COL19A1: variants seen among roughly 807,000 people sequenced by gnomAD.
COL19A1 encodes collagen alpha-1(XIX) chain.
Under a neutral mutation model 190.2 loss-of-function variants are expected in COL19A1, and 159 were observed. The observed-to-expected ratio is 0.84, with a 90% CI of 0.73 to 0.95. The LOEUF (loss-of-function observed/expected upper bound fraction) is 0.95. Ranked by LOEUF, COL19A1 falls within the 40% of genes least tolerant of loss-of-function variation. The pLI is 0.00. For synonymous variants in COL19A1, 509 were observed against 458.9 expected, an observed-to-expected ratio of 1.11 and a Z score of -1.39; for missense variants, 1,418 against 1,431.9, an observed-to-expected ratio of 0.99 and a Z score of 0.16.
intron 11 of COL19A1, among the ~76,000 whole-genome samples, chr6:70,010,072 T>A (rs2150093838): frequency 6.6e-6 from 1 of 152,274 alleles, no homozygotes; most frequent in African/African-American, 2.4e-5. Context: ...AGTCAATCAA[T>A]GAAAGAAATA....
At chr6:70,122,392 A>G (rs538757236) in intron 17 of COL19A1, among the ~76,000 whole-genome samples, 1 of 128,314 alleles carries the variant, frequency 7.8e-6, no homozygotes, top group East Asian at 2.1e-4. Context: ...TTCATGGGGA[A>G]TTACATTCAA....
chr6:70,193,474 C>T (rs1452919649), intron 48 of COL19A1, among the ~76,000 whole-genome samples: 1 of 152,132 alleles, frequency 6.6e-6, no homozygotes, highest in Non-Finnish European at 1.5e-5. Flanking sequence ...GGTGCAGAGT[C>T]CTCCCCAGGT....
At chr6:69,966,140 G>A (rs1029478816) in intron 11 of COL19A1, among the ~76,000 whole-genome samples, 48 of 152,154 alleles carry the variant, frequency 3.2e-4, no homozygotes, top group Non-Finnish European at 6.0e-4. Context: ...ATTAGAAGCC[G>A]TCCGGGAGGT....
intron 14 of COL19A1, among the ~76,000 whole-genome samples, chr6:70,042,408 T>A (rs1779678394): frequency 6.6e-6 from 1 of 152,190 alleles, no homozygotes; most frequent in African/African-American, 2.4e-5. Flanking sequence ...AAATGTGCAA[T>A]TTATATTATG....
intron 2 of COL19A1, among the ~76,000 whole-genome samples, chr6:69,881,396 G>A (rs1768543857): frequency 6.6e-6 from 1 of 151,922 alleles, no homozygotes; most frequent in African/African-American, 2.4e-5. Context: ...CACTTAACAT[G>A]AAGTCTGCCC....
intron 15 of COL19A1, among the ~76,000 whole-genome samples, chr6:70,101,687 C>T (rs1336963295): frequency 6.6e-6 from 1 of 152,062 alleles, no homozygotes; most frequent in East Asian, 1.9e-4. Flanking sequence ...GCTCCGACCC[C>T]CGGGATTCTA....
At chr6:70,079,325 G>A (rs1177759058) in intron 15 of COL19A1, among the ~76,000 whole-genome samples, 1 of 152,162 alleles carries the variant, frequency 6.6e-6, no homozygotes, top group Non-Finnish European at 1.5e-5. Flanking sequence ...TAGGGCTACG[G>A]AAAGAATCTG....
At chr6:70,206,397 G>A (rs1767848812) in intron 49 of COL19A1, among the ~76,000 whole-genome samples, 5 of 152,148 alleles carry the variant, frequency 3.3e-5, no homozygotes, top group Admixed American at 2.6e-4. Context: ...GGGATGCCAA[G>A]GCGGGCAGAT....
intron 4 of COL19A1, among the ~76,000 whole-genome samples, chr6:69,916,227 C>T (rs1009583562): frequency 2.4e-4 from 36 of 152,126 alleles, no homozygotes; most frequent in Admixed American, 1.6e-3. Context: ...GGAGCCACCG[C>T]GCCCAGCTTT....
chr6:70,079,485 A>G (rs1177366688), intron 15 of COL19A1, among the ~76,000 whole-genome samples: 3 of 152,226 alleles, frequency 2.0e-5, no homozygotes, highest in Non-Finnish European at 4.4e-5. Flanking sequence ...AACTGAAAGT[A>G]GAACCTTGAA....
At chr6:70,038,102 A>G (rs1369135571) in intron 14 of COL19A1, among the ~76,000 whole-genome samples, 2 of 152,238 alleles carry the variant, frequency 1.3e-5, no homozygotes, top group East Asian at 3.8e-4. Context: ...AGGTTGGTAC[A>G]TTATTAGTTG....
At chr6:69,940,234 T>C (rs1279109877) in intron 9 of COL19A1, among the ~76,000 whole-genome samples, 1 of 152,152 alleles carries the variant, frequency 6.6e-6, no homozygotes, top group Non-Finnish European at 1.5e-5. Context: ...TTCCCTTTAA[T>C]CATAAATAGA....
At chr6:70,093,366 C>G (rs2150177966) in intron 15 of COL19A1, among the ~76,000 whole-genome samples, 1 of 152,106 alleles carries the variant, frequency 6.6e-6, no homozygotes, top group Non-Finnish European at 1.5e-5. Context: ...CTACCACTGC[C>G]CCATCCATGA....
intron 25 of COL19A1, among the ~76,000 whole-genome samples, chr6:70,145,982 A>T (rs1391017186): frequency 6.6e-6 from 1 of 152,066 alleles, no homozygotes; most frequent in Non-Finnish European, 1.5e-5. Context: ...CGGCCTCCCA[A>T]AGTGCTGGGA....
chr6:69,970,048 C>G (rs912477685), intron 11 of COL19A1, among the ~76,000 whole-genome samples: 3 of 152,132 alleles, frequency 2.0e-5, no homozygotes, highest in Non-Finnish European at 4.4e-5. Flanking sequence ...AGCCTAGATT[C>G]AAGGAGTAGG....
chr6:69,961,817 A>T (rs569945494), intron 10 of COL19A1, among the ~76,000 whole-genome samples: 29 of 152,216 alleles, frequency 1.9e-4, no homozygotes, highest in African/African-American at 6.0e-4. Flanking sequence ...TATATATATA[A>T]AAAACATACT....
At chr6:70,081,522 CA>C (rs1278375822) in intron 15 of COL19A1, among the ~76,000 whole-genome samples, 3 of 152,054 alleles carry the variant, frequency 2.0e-5, no homozygotes, top group African/African-American at 7.2e-5. Flanking sequence ...AGCAGTTACA[CA>C]AATTAAAGTT....
intron 1 of COL19A1, among the ~76,000 whole-genome samples, chr6:69,878,508 C>T (rs539008277): frequency 5.1e-4 from 77 of 152,116 alleles, no homozygotes; most frequent in African/African-American, 1.7e-3. Flanking sequence ...CCACCACGCT[C>T]GGCCTATATA....
In COL19A1 at chr6:70,200,319, T is replaced by C. The variant is rs185551996; in HGVS notation, c.3223+583T>C. Among the ~76,000 whole-genome samples the C allele has an allele frequency of 3.6e-3, 549 of 152,358 alleles. 11 individuals are homozygous for C. The South Asian group carries it at 0.042, about 12-fold the overall frequency. On this transcript the variant is annotated intron_variant, in intron 49 of 50. Coordinates refer to ENST00000620364, the MANE Select transcript of COL19A1 (RefSeq NM_001858.6). ...ATATTGGCAAAGAATTTTGTTCCAC[T>C]TATGACAACTTGACGAGAGACATAA...
Sources: allele counts gnomAD v4.1 joint callset (sites outside exome capture counted in the v4.1 genomes callset), GRCh38; gene constraint gnomAD v4.1.1; transcripts MANE v1.5; gene names NCBI Gene and HGNC (gene_info 2026-07-23, HGNC 2026-07-21).